Variants in PDE4D observed in about 807,000 individuals in gnomAD.
The protein encoded by PDE4D is 3',5'-cyclic-AMP phosphodiesterase 4D.
A neutral mutation model predicts 87.4 loss-of-function variants in PDE4D; 24 were observed. That is an observed-to-expected ratio of 0.27 (90% CI 0.20 to 0.39). PDE4D has a LOEUF of 0.39. PDE4D is among the 10% of genes least tolerant of loss of function. The pLI is 1.00. For missense variants in PDE4D, 714 were observed against 1,041.0 expected (o/e 0.69, Z 4.32); for synonymous variants, 384 against 383.2 (o/e 1.00, Z -0.02).
At chr5:59,015,781 T>C (rs10042726) in intron 6 of PDE4D, among the ~76,000 whole-genome samples, 15,451 of 151,910 alleles carry the variant, frequency 0.1, 1,035 homozygotes, top group Non-Finnish European at 0.13. Context: ...TGGATATATA[T>C]CCAAAGGATT....
At chr5:60,294,137 G>A (rs975142503) in intron 1 of PDE4D, among the ~76,000 whole-genome samples, 1 of 152,092 alleles carries the variant, frequency 6.6e-6, no homozygotes, top group African/African-American at 2.4e-5. Flanking sequence ...GTGGATGTGT[G>A]GTGGTATTTC....
chr5:59,855,084 C>T (rs985526947), intron 1 of PDE4D, among the ~76,000 whole-genome samples: 1 of 152,018 alleles, frequency 6.6e-6, no homozygotes. Flanking sequence ...GGGCTCTGAT[C>T]CAGTAAGTCT....
intron 11 of PDE4D, among the ~76,000 whole-genome samples, chr5:58,978,106 C>T (rs1363225084): frequency 6.6e-6 from 1 of 152,122 alleles, no homozygotes; most frequent in Non-Finnish European, 1.5e-5. Flanking sequence ...CCCAGAGCTA[C>T]AAGATAATCA....
At chr5:59,285,522 A>T (rs904410481) in intron 1 of PDE4D, among the ~76,000 whole-genome samples, 1 of 152,062 alleles carries the variant, frequency 6.6e-6, no homozygotes, top group African/African-American at 2.4e-5. Context: ...ATTAAAAAAA[A>T]AATTCTCCCA....
chr5:60,415,219 G>A (rs570998184), intron 1 of PDE4D, among the ~76,000 whole-genome samples: 1 of 152,256 alleles, frequency 6.6e-6, no homozygotes. Flanking sequence ...GAATGTGAAT[G>A]TAAGTCATAT....
intron 1 of PDE4D, among the ~76,000 whole-genome samples, chr5:59,342,503 T>C (rs1778894786): frequency 6.6e-6 from 1 of 152,164 alleles, no homozygotes; most frequent in Non-Finnish European, 1.5e-5. Flanking sequence ...TTACTAGTCC[T>C]TTTTATTTCT....
intron 5 of PDE4D, among the ~76,000 whole-genome samples, chr5:59,159,805 C>G (rs572932523): frequency 2.6e-5 from 4 of 152,016 alleles, no homozygotes; most frequent in African/African-American, 9.7e-5. Flanking sequence ...ATCAGGTTTG[C>G]CAAGGAAAAA....
chr5:59,039,263 GA>G, intron 5 of PDE4D: 1 of 1,196,870 alleles, frequency 8.4e-7, no homozygotes, highest in Non-Finnish European at 1.0e-6. Flanking sequence ...GACGCGAGCG[GA>G]AAAACCACTA....
At chr5:60,140,069 T>A (rs1780396678) in intron 2 of PDE4D, among the ~76,000 whole-genome samples, 1 of 152,094 alleles carries the variant, frequency 6.6e-6, no homozygotes. Context: ...AATGACTTAA[T>A]CTATTTAATT....
chr5:60,168,574 C>T, intron 2 of PDE4D, among the ~76,000 whole-genome samples: 1 of 152,284 alleles, frequency 6.6e-6, no homozygotes, highest in Middle Eastern at 3.4e-3. Context: ...ATTGGTTTCA[C>T]AACTTCCAGT....
At chr5:60,218,967 G>A (rs929471989) in intron 1 of PDE4D, among the ~76,000 whole-genome samples, 13 of 151,970 alleles carry the variant, frequency 8.6e-5, no homozygotes, top group Non-Finnish European at 1.9e-4. Context: ...TCTTCTAAAA[G>A]CACCCTCAAA....
chr5:59,185,883 T>C (rs1233935716), intron 3 of PDE4D, among the ~76,000 whole-genome samples: 1 of 152,120 alleles, frequency 6.6e-6, no homozygotes, highest in Non-Finnish European at 1.5e-5. Flanking sequence ...AGATACTCAA[T>C]AAAAATTTGT....
intron 2 of PDE4D, among the ~76,000 whole-genome samples, chr5:60,112,529 T>A (rs1015487981): frequency 6.6e-6 from 1 of 152,092 alleles, no homozygotes; most frequent in Non-Finnish European, 1.5e-5. Context: ...ACAACTTGAA[T>A]GACTTATTTT....
intron 2 of PDE4D, among the ~76,000 whole-genome samples, chr5:60,104,678 C>G (rs889067213): frequency 2.6e-5 from 4 of 152,186 alleles, no homozygotes; most frequent in African/African-American, 9.7e-5. Context: ...CCAGAGGAAC[C>G]ATCAGACAGC....
At chr5:59,292,376 T>C (rs1437754649) in intron 1 of PDE4D, among the ~76,000 whole-genome samples, 1 of 152,148 alleles carries the variant, frequency 6.6e-6, no homozygotes, top group East Asian at 1.9e-4. Context: ...AGCAAAGATG[T>C]TTTAATACCT....
At chr5:59,304,462 T>C (rs1770886856) in intron 1 of PDE4D, among the ~76,000 whole-genome samples, 1 of 152,156 alleles carries the variant, frequency 6.6e-6, no homozygotes, top group African/African-American at 2.4e-5. Context: ...GTGGGCATCA[T>C]TGTCTTGTTC....
intron 1 of PDE4D, among the ~76,000 whole-genome samples, chr5:60,447,281 A>C (rs1435928728): frequency 6.6e-6 from 1 of 152,216 alleles, no homozygotes; most frequent in African/African-American, 2.4e-5. Context: ...AAACCATATC[A>C]CATGCTTCAG....
chr5:59,661,074 T>TTATA (rs3062479), intron 1 of PDE4D, among the ~76,000 whole-genome samples: 39,823 of 139,760 alleles, frequency 0.28, 6,493 homozygotes, highest in East Asian at 0.62. Flanking sequence ...CATGATAATA[T>TTATA]TATATATATA....
intron 5 of PDE4D, among the ~76,000 whole-genome samples, chr5:59,042,768 T>G (rs563975644): frequency 2.0e-5 from 3 of 152,210 alleles, no homozygotes; most frequent in Non-Finnish European, 4.4e-5. Context: ...GAGGCTCTTC[T>G]GTGAACAAAC....
Sources: allele counts gnomAD v4.1 joint callset (sites outside exome capture counted in the v4.1 genomes callset), GRCh38; gene constraint gnomAD v4.1.1; transcripts MANE v1.5; gene names NCBI Gene and HGNC (gene_info 2026-07-23, HGNC 2026-07-21).